The following BUB1 variants were observed in gnomAD, a reference collection of about 807,000 sequenced individuals.
The protein encoded by BUB1 is mitotic checkpoint serine/threonine-protein kinase BUB1.
In BUB1, 84 loss-of-function variants were observed where a neutral mutation model predicts 135.2. That is an observed-to-expected ratio of 0.62 (90% CI 0.52 to 0.74). The LOEUF is 0.74. BUB1 is among the 30% of genes least tolerant of loss of function. BUB1 has a pLI of 0.00. For missense variants in BUB1, 1,162 were observed against 1,288.3 expected (o/e 0.90, Z 1.50); for synonymous variants, 403 against 434.4 (o/e 0.93, Z 0.90).
Position 110,650,533 on chromosome 2 carries a change from T to TCAA in BUB1, c.2203+12_2203+13insTTG. On this transcript the variant is annotated intron_variant, in intron 18 of 24. Coordinates refer to ENST00000302759, the MANE Select transcript of BUB1 (RefSeq NM_004336.5). ...CCTGATTCAAGGGCATAACAAAGAG[T>TCAA]GAGTGTTCGTACTTGGAGCATCAAC... is the stretch of plus-strand genomic sequence containing the variant. 6.2e-7 allele frequency: 1 copy of TCAA among 1,609,426 alleles called. No individual in the cohort carries two copies. Among genetic ancestry groups the TCAA allele is most frequent in the East Asian group, 2.2e-5 (1 of 44,822 alleles).
At chr2:110,652,957 C>T (rs1381786282) in intron 17 of BUB1, among the ~76,000 whole-genome samples, 1 of 152,182 alleles carries the variant, frequency 6.6e-6, no homozygotes, top group South Asian at 2.1e-4. Context: ...AATAAACCAA[C>T]ATTTGTTCCA....
In BUB1 at chr2:110,657,124, A is replaced by G. The variant is rs772949273; in HGVS notation, c.1617-7T>C. 2.5e-6 allele frequency: 4 copies of G among 1,606,668 alleles called. 1 individual carries two copies. The South Asian group carries it at 4.4e-5, about 18-fold the overall frequency. The stretch of plus-strand genomic sequence containing the variant: ...ATTTTTAGGCTGTGGTAATCTAAGG[A>G]AAGATTTGCTAAATTATAAATAGTA... On this transcript the variant is annotated splice_region_variant and splice_polypyrimidine_tract_variant and intron_variant, in intron 14 of 24. Coordinates refer to ENST00000302759, the MANE Select transcript of BUB1 (RefSeq NM_004336.5).
rs759361283 is a variant in BUB1 at position 110,657,640 on chromosome 2, C to T, written c.1522G>A (p.Val508Ile). The T allele has an allele frequency of 3.8e-5, 59 of 1,568,596 alleles. No individual in the cohort carries two copies. Among genetic ancestry groups the T allele is most frequent in the African/African-American group, 1.4e-5 (1 of 73,070 alleles). The change falls in exon 14 of 25, where the codon GTA (valine) becomes ATA (isoleucine). Residue 508 changes from valine to isoleucine, a missense_variant. By Grantham distance (29) the Val-to-Ile change is conservative. Transcript: ENST00000302759. ...ACTCCCCAAGCCCCAGATGACCTTA[C>T]ATTTTCTGCAACAGAATAAAAAATA... ...DAFEAQFQKN[V>I]RSSGAWGVNK...
intron 3 of BUB1, among the ~76,000 whole-genome samples, chr2:110,673,697 C>T (rs1251857032): frequency 6.6e-6 from 1 of 152,100 alleles, no homozygotes; most frequent in Non-Finnish European, 1.5e-5. Flanking sequence ...CTCCCAGGCT[C>T]GAGCAATTCT....
rs1470327132 is a variant in BUB1 at position 110,661,796 on chromosome 2, G to T, written c.1003C>A (p.Leu335Met). The change falls in exon 10 of 25, where the codon CTG (leucine) becomes ATG (methionine). Residue 335 changes from leucine to methionine, a missense_variant. Coordinates refer to ENST00000302759, the MANE Select transcript of BUB1 (RefSeq NM_004336.5). ...GTTACTGGAAGACATGGCGCTCTCA[G>T]TTCCTGCTGGGAGCCTACACTTGGC... ...MGPSVGSQQE[L>M]RAPCLPVTYQ... 1.2e-6 allele frequency: 2 copies of T among 1,614,060 alleles called. No individual in the cohort carries two copies. Among genetic ancestry groups the T allele is most frequent in the Non-Finnish European group, 1.7e-6 (2 of 1,180,038 alleles).
rs772759859 is a variant in BUB1 at position 110,669,521 on chromosome 2, C to A, written c.499G>T (p.Val167Phe). 3.1e-6 allele frequency: 5 copies of A among 1,609,306 alleles called. No individual in the cohort carries two copies. The South Asian group carries it at 4.4e-5, about 14-fold the overall frequency. Residue 167 changes from valine (V) to phenylalanine (F), a missense_variant, in exon 6 of 25, where the codon GTT (valine) becomes TTT (phenylalanine). By Grantham distance (50) the Val-to-Phe change is conservative. Transcript: ENST00000302759. ...TTTGATGTTATCATTTGATTTAAAACCTGAACATTATGCAGAGGTTCTGAG... is the reference window on the plus strand; with the variant it reads ...TTTGATGTTATCATTTGATTTAAAAACTGAACATTATGCAGAGGTTCTGAG... The part of the protein sequence containing the change: ...RTSEPLHNVQ[V>F]LNQMITSKSN...
At chr2:110,667,412 T>G in intron 8 of BUB1, 109 bp downstream of exon 8, 1 of 1,162,534 alleles carries the variant, frequency 8.6e-7, no homozygotes. Flanking sequence ...ATGAAGACTT[T>G]CTTGCAGTCT....
Position 110,657,090 on chromosome 2 carries a change from T to G in BUB1, c.1644A>C (p.Thr548=), listed in dbSNP as rs1460005146. Reference sequence around the variant, plus strand: ...AGCGTTCTCCAAAGGTCCTGGCTCCTGTGGGTTTATTTTTAGGCTGTGGTA... The same window carrying G: ...AGCGTTCTCCAAAGGTCCTGGCTCCGGTGGGTTTATTTTTAGGCTGTGGTA... The part of the protein sequence containing the change: ...YGLPQPKNKP[T]GARTFGERSV... Residue 548 remains threonine (T), a synonymous_variant, in exon 15 of 25, where the codon ACA becomes ACC. Coordinates refer to ENST00000302759, the MANE Select transcript of BUB1 (RefSeq NM_004336.5). The G allele has an allele frequency of 1.2e-6, 2 of 1,613,216 alleles. No individual in the cohort carries two copies. The highest frequency in any genetic ancestry group is 1.7e-6 in the Non-Finnish European group (2 of 1,179,534).
At position 110,667,667 on chromosome 2, in the gene BUB1, G is replaced by C; in HGVS notation, c.659C>G (p.Ser220Cys). The change falls in exon 8 of 25, where the codon TCT becomes TGT. Residue 220 changes from serine (S) to cysteine (C), a missense_variant. By Grantham distance (112) the Ser-to-Cys change is moderately radical (BLOSUM62 -1). Transcript: ENST00000302759. ...TTTGGATGCCAAAGATGAGTGCACA[G>C]AATATTCTGATTTAGAAATCGTGAT... Reference protein sequence around the residue: ...RVITISKSEYSVHSSLASKVD... With the variant: ...RVITISKSEYCVHSSLASKVD... 1.9e-6 allele frequency: 3 copies of C among 1,613,462 alleles called. No individual in the cohort carries two copies. The highest frequency in any genetic ancestry group is 1.7e-4 in the Middle Eastern group (1 of 6,056).
At chr2:110,667,902 A>G in intron 6 of BUB1, 53 bp from the exon 7 acceptor site, 2 of 1,555,232 alleles carry the variant, frequency 1.3e-6, no homozygotes, top group East Asian at 4.5e-5. Flanking sequence ...AGAAAGCTTC[A>G]CCCAAATTAC....
chr2:110,657,095 G>GTTTTTT lies in BUB1; in HGVS notation c.1638_1639insAAAAAA (p.Lys546_Pro547insLysLys). The GTTTTTT allele has an allele frequency of 1.2e-6, 2 of 1,612,862 alleles. No homozygotes were observed. The highest frequency in any genetic ancestry group is 1.7e-6 in the Non-Finnish European group (2 of 1,179,356). ...TCTCCAAAGGTCCTGGCTCCTGTGG[G>GTTTTTT]TTTATTTTTAGGCTGTGGTAATCTA... On this transcript the variant is annotated inframe_insertion, in exon 15 of 25. Transcript: ENST00000302759.
intron 17 of BUB1, among the ~76,000 whole-genome samples, chr2:110,651,985 T>C (rs1166214685): frequency 2.6e-5 from 4 of 151,938 alleles, no homozygotes; most frequent in African/African-American, 9.7e-5. Context: ...TAAAGACACA[T>C]TTCTCAGAAA....
chr2:110,661,517 T>C (rs1690081726), intron 10 of BUB1, 65 bp downstream of exon 10: 9 of 1,538,266 alleles, frequency 5.9e-6, no homozygotes, highest in African/African-American at 1.4e-5. Context: ...ATAATGCAGG[T>C]CATGTAAAGA....
At chr2:110,664,677 G>C (rs1690197301) in intron 9 of BUB1, among the ~76,000 whole-genome samples, 1 of 150,538 alleles carries the variant, frequency 6.6e-6, no homozygotes, top group Admixed American at 6.6e-5. Context: ...TATACCACAG[G>C]AAAGGAGCCA....
intron 9 of BUB1, among the ~76,000 whole-genome samples, chr2:110,665,534 C>A (rs1256274028): frequency 6.6e-6 from 1 of 151,184 alleles, no homozygotes; most frequent in Non-Finnish European, 1.5e-5. Flanking sequence ...CAGAGCAAGA[C>A]CCCGTCTAAA....
At chr2:110,654,420 G>A (rs903726161) in intron 16 of BUB1, among the ~76,000 whole-genome samples, 2 of 151,996 alleles carry the variant, frequency 1.3e-5, no homozygotes, top group Non-Finnish European at 2.9e-5. Context: ...TTTCTACCAA[G>A]TGATTATAAT....
At chr2:110,655,187 ACTT>A (rs1172239582) in intron 16 of BUB1, among the ~76,000 whole-genome samples, 2 of 152,220 alleles carry the variant, frequency 1.3e-5, no homozygotes, top group African/African-American at 4.8e-5. Context: ...AATAAGGACT[ACTT>A]GTGAGTTTTA....
At chr2:110,664,099 G>GA (rs568953814) in intron 9 of BUB1, among the ~76,000 whole-genome samples, 30 of 151,530 alleles carry the variant, frequency 2.0e-4, no homozygotes, top group African/African-American at 7.3e-4. Flanking sequence ...AAATTAGGGG[G>GA]AAAAAAGGAC....
intron 24 of BUB1, 60 bp downstream of exon 24, chr2:110,639,673 TGCCAGATGG>T: frequency 2.5e-6 from 3 of 1,208,876 alleles, no homozygotes; most frequent in Admixed American, 2.0e-5. Context: ...TTTTTTTTTT[TGCCAGATGG>T]AACCCAACAT....
Sources: allele counts gnomAD v4.1 joint callset (sites outside exome capture counted in the v4.1 genomes callset), GRCh38; gene constraint gnomAD v4.1.1; transcripts MANE v1.5; gene names NCBI Gene and HGNC (gene_info 2026-07-23, HGNC 2026-07-21).